FAM149B1: variants seen among roughly 807,000 people sequenced by gnomAD.
FAM149B1 encodes the protein primary cilium assembly protein FAM149B1.
FAM149B1 carries 56 observed loss-of-function variants against 75.3 expected under a neutral mutation model. The ratio of observed to expected loss-of-function variants is 0.74; its 90% CI spans 0.60 to 0.93. The LOEUF (loss-of-function observed/expected upper bound fraction) is 0.93, where lower values mean the gene tolerates loss of function less well. FAM149B1 is among the 40% of genes least tolerant of loss of function. The pLI is 0.00. For synonymous variants in FAM149B1, 259 were observed against 256.1 expected, an observed-to-expected ratio of 1.01 and a Z score of -0.11; for missense variants, 639 against 708.4, an observed-to-expected ratio of 0.90 and a Z score of 1.11.
intron 12 of FAM149B1, 23 bp from the exon 13 acceptor site, chr10:73,239,289 G>A (rs1173729808): frequency 6.5e-7 from 1 of 1,542,890 alleles, no homozygotes; most frequent in Non-Finnish European, 8.8e-7. Context: ...ATCATAAGAA[G>A]TGTCTCCTCT....
At chr10:73,219,987 T>C (rs1357865353) in intron 7 of FAM149B1, among the ~76,000 whole-genome samples, 1 of 151,268 alleles carries the variant, frequency 6.6e-6, no homozygotes, top group African/African-American at 2.4e-5. Flanking sequence ...GGAGAAAATA[T>C]TTAGAAATCA....
intron 3 of FAM149B1, chr10:73,192,217 T>C (rs1445427482): frequency 1.3e-5 from 2 of 152,072 alleles, no homozygotes; most frequent in African/African-American, 4.9e-5. Flanking sequence ...TTTTTTTTTT[T>C]TTTTTTTTAG....
intron 7 of FAM149B1, among the ~76,000 whole-genome samples, chr10:73,222,983 G>A (rs2133386986): frequency 6.6e-6 from 1 of 152,288 alleles, no homozygotes; most frequent in Admixed American, 6.5e-5. Flanking sequence ...GCCAGGGCGT[G>A]GTGGTGCATG....
intron 7 of FAM149B1, among the ~76,000 whole-genome samples, chr10:73,212,231 T>C (rs201735787): frequency 1.3e-5 from 2 of 152,366 alleles, no homozygotes; most frequent in East Asian, 3.9e-4. Context: ...TTAGGCTGAT[T>C]CCATATCTTT....
intron 12 of FAM149B1, 39 bp from the exon 13 acceptor site, chr10:73,239,273 A>C: frequency 7.6e-6 from 11 of 1,449,982 alleles, no homozygotes; most frequent in South Asian, 2.4e-5. Flanking sequence ...CTTTGTGAGA[A>C]GATGCATCAT....
At position 73,235,019 on chromosome 10, in the gene FAM149B1, G is replaced by A. The variant is rs972448583; in HGVS notation, c.1476+79G>A. The A allele has an allele frequency of 2.0e-6, 3 of 1,508,890 alleles. No homozygotes were observed. The East Asian group carries it at 7.4e-5, about 37-fold the overall frequency. The allele number at this position is 1,508,890 out of a possible 1,614,324, so 93.5% of individuals were successfully genotyped here. On this transcript the variant is annotated intron_variant, in intron 11 of 13. Coordinates refer to ENST00000242505, the MANE Select transcript of FAM149B1 (RefSeq NM_173348.2). ...AGTAATTCTGCAGGATCTGTGCCCT[G>A]ATCTTGATTTATACTGTGTTTTGTC...
At position 73,242,483 on chromosome 10, in the gene FAM149B1, A is replaced by G. The variant is rs2043965931; in HGVS notation, c.*1464A>G. The G allele has an allele frequency of 6.6e-6, 1 of 152,188 alleles. No homozygotes were observed. Among genetic ancestry groups the G allele is most frequent in the Non-Finnish European group, 1.5e-5 (1 of 68,034 alleles). The allele number at this position is 152,188 out of a possible 1,614,324, so 9.4% of individuals were successfully genotyped here. ...CCTCACCCTGTGTGTTTTCCCTCAA[A>G]GCCAGTGCAATTTTTTTTTAACCAA... On this transcript the variant is annotated 3_prime_UTR_variant, in exon 14 of 14. Transcript: ENST00000242505.
intron 5 of FAM149B1, among the ~76,000 whole-genome samples, chr10:73,207,653 A>G (rs565927198): frequency 9.3e-4 from 142 of 152,326 alleles, no homozygotes; most frequent in African/African-American, 3.2e-3. Context: ...TGAACCCTGC[A>G]AAGCCACAGG....
chr10:73,169,734 C>T (rs530722883), intron 1 of FAM149B1, among the ~76,000 whole-genome samples: 7 of 152,270 alleles, frequency 4.6e-5, no homozygotes, highest in South Asian at 2.1e-4. Context: ...AAAGTGTTGG[C>T]GTGAGCCACC....
chr10:73,202,527 G>C (rs2042962418), intron 5 of FAM149B1, among the ~76,000 whole-genome samples: 2 of 151,698 alleles, frequency 1.3e-5, no homozygotes, highest in Non-Finnish European at 2.9e-5. Context: ...CTGCCTCCCA[G>C]GTTCAAGGGA....
intron 5 of FAM149B1, among the ~76,000 whole-genome samples, chr10:73,208,229 T>C (rs1372452214): frequency 2.0e-5 from 3 of 152,354 alleles, no homozygotes; most frequent in African/African-American, 7.2e-5. Context: ...AGTAAAAGCT[T>C]TGTAAGTCCT....
intron 3 of FAM149B1, among the ~76,000 whole-genome samples, chr10:73,179,573 C>T (rs1244770373): frequency 2.0e-5 from 3 of 151,652 alleles, no homozygotes; most frequent in African/African-American, 7.3e-5. Flanking sequence ...GCCACCACAC[C>T]CTGCTATTTT....
intron 5 of FAM149B1, among the ~76,000 whole-genome samples, chr10:73,195,876 G>A (rs1822223314): frequency 6.6e-6 from 1 of 152,006 alleles, no homozygotes; most frequent in Non-Finnish European, 1.5e-5. Context: ...AATTATCCAG[G>A]TATATTAGCA....
chr10:73,243,659 T>TATTAACACCAATTGTA lies in FAM149B1; in HGVS notation c.*2640_*2641insATTAACACCAATTGTA. On this transcript the variant is annotated 3_prime_UTR_variant, in exon 14 of 14. Transcript: ENST00000242505. ...TGGAATGGTGAAAATGTCCTACAAT[T>TATTAACACCAATTGTA]GGTGTTAATAATTGTAAAACTTTGT... 8.2e-7 allele frequency: 1 copy of TATTAACACCAATTGTA among 1,225,168 alleles called. No homozygotes were observed. The highest frequency in any genetic ancestry group is 1.1e-6 in the Non-Finnish European group (1 of 873,336). The allele number at this position is 1,225,168 out of a possible 1,614,324, so 75.9% of individuals were successfully genotyped here.
intron 5 of FAM149B1, among the ~76,000 whole-genome samples, chr10:73,197,756 G>A (rs767546849): frequency 3.3e-5 from 5 of 151,542 alleles, no homozygotes; most frequent in South Asian, 2.1e-4. Flanking sequence ...GTGACAGAGC[G>A]AGACTGTCTC....
At chr10:73,206,782 G>T (rs148496483) in intron 5 of FAM149B1, among the ~76,000 whole-genome samples, 1,952 of 152,302 alleles carry the variant, frequency 0.013, 21 homozygotes, top group Non-Finnish European at 0.018. Flanking sequence ...AGGTGTGGTG[G>T]CGGACGCCTA....
chr10:73,193,928 G>A (rs1287383951), intron 5 of FAM149B1, among the ~76,000 whole-genome samples: 1 of 152,150 alleles, frequency 6.6e-6, no homozygotes, highest in South Asian at 2.1e-4. Flanking sequence ...CCTTCTTGCT[G>A]GTGGGGATTC....
chr10:73,209,448 C>CA (rs2043138239), intron 6 of FAM149B1, among the ~76,000 whole-genome samples: 1 of 151,842 alleles, frequency 6.6e-6, no homozygotes, highest in Admixed American at 6.6e-5. Context: ...ACTCCATCTC[C>CA]AAAAACAAAA....
intron 5 of FAM149B1, among the ~76,000 whole-genome samples, chr10:73,195,493 ATT>A (rs2042782502): frequency 6.6e-6 from 1 of 152,232 alleles, no homozygotes; most frequent in Admixed American, 6.5e-5. Context: ...TCTGATCAAA[ATT>A]ACATAACTCA....
Sources: allele counts gnomAD v4.1 joint callset (sites outside exome capture counted in the v4.1 genomes callset), GRCh38; gene constraint gnomAD v4.1.1; transcripts MANE v1.5; gene names NCBI Gene and HGNC (gene_info 2026-07-23, HGNC 2026-07-21).